MBOAT2: variants seen among roughly 807,000 people sequenced by gnomAD.
MBOAT2 encodes the protein membrane bound glycerophospholipid O-acyltransferase 2.
In MBOAT2, 28 loss-of-function variants were observed where a neutral mutation model predicts 63.4. That is an observed-to-expected ratio of 0.44 (90% CI 0.33 to 0.61). The LOEUF (loss-of-function observed/expected upper bound fraction) is 0.61. MBOAT2 is among the 20% of genes least tolerant of loss of function. MBOAT2 has a pLI of 0.03. For missense variants in MBOAT2, 470 were observed against 605.8 expected (o/e 0.78, Z 2.35); for synonymous variants, 211 against 215.6 (o/e 0.98, Z 0.19).
At chr2:8,929,820 G>A (rs562142526) in intron 3 of MBOAT2, among the ~76,000 whole-genome samples, 23 of 152,290 alleles carry the variant, frequency 1.5e-4, no homozygotes, top group South Asian at 8.3e-4. Flanking sequence ...GGCTCAGAAC[G>A]CTGTGAAACT....
chr2:8,860,133 G>A (rs759083522), intron 12 of MBOAT2, among the ~76,000 whole-genome samples: 71 of 152,184 alleles, frequency 4.7e-4, no homozygotes, highest in Admixed American at 6.5e-4. Flanking sequence ...GTTGCAGTGA[G>A]CCGAGCGAGA....
intron 2 of MBOAT2, among the ~76,000 whole-genome samples, chr2:8,948,814 T>C (rs1668607160): frequency 6.6e-6 from 1 of 152,226 alleles, no homozygotes; most frequent in Non-Finnish European, 1.5e-5. Flanking sequence ...GAAATGCATG[T>C]GTCTTTTTGG....
intron 8 of MBOAT2, among the ~76,000 whole-genome samples, chr2:8,869,209 T>TA (rs1491473711): frequency 1.9e-5 from 2 of 105,276 alleles, no homozygotes; most frequent in African/African-American, 7.1e-5. Flanking sequence ...ATCATGCCTA[T>TA]TTTTTTTTTT....
intron 5 of MBOAT2, 123 bp from the exon 6 acceptor site, chr2:8,882,688 T>A (rs950439332): frequency 1.2e-6 from 1 of 834,766 alleles, no homozygotes; most frequent in East Asian, 2.6e-5. Flanking sequence ...AATTTTGATA[T>A]AATGACTGTT....
chr2:8,959,651 C>A (rs926164986), intron 1 of MBOAT2, among the ~76,000 whole-genome samples: 5 of 151,964 alleles, frequency 3.3e-5, no homozygotes, highest in Admixed American at 2.0e-4. Flanking sequence ...TTTGTAAAGA[C>A]AAAGTGTCAC....
intron 2 of MBOAT2, among the ~76,000 whole-genome samples, chr2:8,952,665 T>G (rs923513436): frequency 1.2e-4 from 19 of 152,188 alleles, no homozygotes; most frequent in Admixed American, 1.1e-3. Flanking sequence ...GGGAGGATTT[T>G]ATGTAATTTT....
intron 3 of MBOAT2, among the ~76,000 whole-genome samples, chr2:8,940,482 G>T (rs1459140571): frequency 6.6e-6 from 1 of 152,058 alleles, no homozygotes; most frequent in Non-Finnish European, 1.5e-5. Flanking sequence ...TAGTAGAGAT[G>T]GGGTTTCCCC....
chr2:8,919,632 C>T (rs986511459), intron 3 of MBOAT2, among the ~76,000 whole-genome samples: 1 of 152,084 alleles, frequency 6.6e-6, no homozygotes, highest in Non-Finnish European at 1.5e-5. Flanking sequence ...CTGTATCAGA[C>T]ACATGTTTTG....
intron 1 of MBOAT2, among the ~76,000 whole-genome samples, chr2:8,977,137 T>G (rs1157501757): frequency 6.6e-6 from 1 of 152,100 alleles, no homozygotes; most frequent in East Asian, 1.9e-4. Flanking sequence ...GCCTTATGGG[T>G]GGATACCTAT....
At chr2:8,935,102 T>C (rs934559025) in intron 3 of MBOAT2, among the ~76,000 whole-genome samples, 3 of 152,106 alleles carry the variant, frequency 2.0e-5, no homozygotes. Flanking sequence ...TCCACCCCAC[T>C]TTGCCAGTTA....
At chr2:8,888,251 T>C (rs1663710893) in intron 4 of MBOAT2, among the ~76,000 whole-genome samples, 178 bp from the exon 5 acceptor site, 1 of 152,176 alleles carries the variant, frequency 6.6e-6, no homozygotes, top group Non-Finnish European at 1.5e-5. Flanking sequence ...GAGGACAGCA[T>C]AGGCGATGGG....
intron 2 of MBOAT2, among the ~76,000 whole-genome samples, chr2:8,950,840 T>G (rs916068370): frequency 2.0e-5 from 3 of 152,206 alleles, no homozygotes; most frequent in Admixed American, 6.5e-5. Context: ...AGAGTTTTTT[T>G]TATCATGACA....
At position 8,862,407 on chromosome 2, in the gene MBOAT2, T is replaced by C. The variant is rs1217003363; in HGVS notation, c.1185+183A>G. On this transcript the variant is annotated intron_variant, in intron 11 of 12. Transcript: ENST00000305997. The surrounding 1 kb of genome is among the most constrained non-coding windows in gnomAD (Gnocchi z 4.3). Reference sequence around the variant, plus strand: ...GTTTTCTCCTCACAGGAACTGGGCATGGAGCCTAGCCCGTGGTGAGCGCTC... The same window carrying C: ...GTTTTCTCCTCACAGGAACTGGGCACGGAGCCTAGCCCGTGGTGAGCGCTC... The C allele has an allele frequency of 1.5e-6, 2 of 1,362,624 alleles. No homozygotes were observed. Among genetic ancestry groups the C allele is most frequent in the Non-Finnish European group, 2.0e-6 (2 of 1,006,352 alleles). 84.4% of individuals were successfully genotyped at this position (1,362,624 alleles called of 1,614,324 possible). A position where few individuals can be genotyped will look rare whatever the true frequency, so the allele number is the denominator to read the frequency against.
At chr2:8,895,842 G>A (rs867671706) in intron 4 of MBOAT2, among the ~76,000 whole-genome samples, 13 of 152,132 alleles carry the variant, frequency 8.5e-5, no homozygotes, top group African/African-American at 2.9e-4. Flanking sequence ...TGACAAAGAG[G>A]TTAAAAATAA....
At chr2:8,929,527 A>T (rs1193231448) in intron 3 of MBOAT2, among the ~76,000 whole-genome samples, 1 of 152,092 alleles carries the variant, frequency 6.6e-6, no homozygotes, top group Non-Finnish European at 1.5e-5. Context: ...AATCTTTTGT[A>T]TTTTTTGTAA....
At position 8,856,261 on chromosome 2, in the gene MBOAT2, T is replaced by C. The variant is rs1661070193; in HGVS notation, c.*2418A>G. ...TTACAGGCTGAGAAATAAATTCAGG[T>C]AACAGAAATGTGATTATTTGTAGGT... On this transcript the variant is annotated 3_prime_UTR_variant, in exon 13 of 13. Transcript: ENST00000305997. The surrounding 1 kb of genome is among the most constrained non-coding windows in gnomAD (Gnocchi z 4.2). The C allele has an allele frequency of 1.3e-5, 2 of 151,268 alleles. No individual in the cohort carries two copies. The highest frequency in any genetic ancestry group is 4.9e-5 in the African/African-American group (2 of 41,004). 9.4% of individuals were successfully genotyped at this position (151,268 alleles called of 1,614,324 possible). A position where few individuals can be genotyped will look rare whatever the true frequency, so the allele number is the denominator to read the frequency against.
At chr2:8,914,068 A>G (rs565602398) in intron 3 of MBOAT2, among the ~76,000 whole-genome samples, 3 of 152,358 alleles carry the variant, frequency 2.0e-5, no homozygotes, top group Admixed American at 2.0e-4. Flanking sequence ...GAAGTAACTC[A>G]GGAATGGAAA....
chr2:8,938,460 C>T (rs1667814717), intron 3 of MBOAT2, among the ~76,000 whole-genome samples: 4 of 152,286 alleles, frequency 2.6e-5, no homozygotes, highest in Middle Eastern at 3.4e-3. Context: ...GCTTCCACAC[C>T]GTGTTTCATG....
intron 6 of MBOAT2, 39 bp downstream of exon 6, chr2:8,882,472 C>T (rs576931876): frequency 1.1e-5 from 17 of 1,606,852 alleles, no homozygotes; most frequent in South Asian, 2.2e-5. Flanking sequence ...TAGGCAGGGG[C>T]GCAGGAAGCA....
Sources: gnomAD v4.1 joint callset for allele counts (sites outside exome capture counted in the v4.1 genomes callset) on GRCh38, gnomAD v4.1.1 for gene constraint, Gnocchi (gnomAD v3.1) non-coding constraint, MANE v1.5 for transcripts, NCBI Gene and HGNC (gene_info 2026-07-23, HGNC 2026-07-21) for gene names.